The following CHMP4B variants were observed in gnomAD, a reference collection of about 807,000 sequenced individuals.
CHMP4B encodes SNF7 homolog associated with Alix 1.
In CHMP4B, 1 loss-of-function variant was observed where a neutral mutation model predicts 25.1. The ratio of observed to expected loss-of-function variants is 0.04; its 90% CI spans 0.01 to 0.19. The LOEUF (loss-of-function observed/expected upper bound fraction) is 0.19, where lower values mean the gene tolerates loss of function less well. Among genes scored for constraint, CHMP4B ranks in the 10% least tolerant of loss-of-function variants. The pLI is 1.00. For missense variants in CHMP4B, 151 were observed against 289.7 expected, an observed-to-expected ratio of 0.52 and a Z score of 3.48; for synonymous variants, 101 against 115.6, an observed-to-expected ratio of 0.87 and a Z score of 0.81.
Position 33,839,581 on chromosome 20 carries a change from G to T in CHMP4B, c.191-8886G>T, listed in dbSNP as rs551442202. On this transcript the variant is annotated intron_variant, in intron 1 of 4. Coordinates refer to ENST00000217402, the MANE Select transcript of CHMP4B (RefSeq NM_176812.5). ...TAGAGGTTTTTACTGCATACCATCT[G>T]GACTGTCGCTAGTGGACAGTTTGTG... is the stretch of plus-strand genomic sequence containing the variant. 2.6e-5 allele frequency among the ~76,000 whole-genome samples: 4 copies of T among 152,248 alleles called. No individual in the cohort carries two copies. The East Asian group carries it at 7.7e-4, about 29-fold the overall frequency.
At chr20:33,843,027 G>C (rs564389315) in intron 1 of CHMP4B, among the ~76,000 whole-genome samples, 6 of 152,174 alleles carry the variant, frequency 3.9e-5, no homozygotes, top group Non-Finnish European at 8.8e-5. Context: ...TAGTTGTATC[G>C]AACTGATGTG....
At chr20:33,837,767 T>C (rs1601324559) in intron 1 of CHMP4B, among the ~76,000 whole-genome samples, 1 of 152,198 alleles carries the variant, frequency 6.6e-6, no homozygotes, top group South Asian at 2.1e-4. Context: ...CTTATTTCAT[T>C]GGGCAGGAAA....
chr20:33,826,873 C>G (rs1191242698), intron 1 of CHMP4B, among the ~76,000 whole-genome samples: 1 of 152,186 alleles, frequency 6.6e-6, no homozygotes, highest in African/African-American at 2.4e-5. Flanking sequence ...TTGTGCATTT[C>G]ACTCCCAGCT....
In CHMP4B at chr20:33,848,569, A is replaced by G; in HGVS notation, c.293A>G (p.Asn98Ser). 1.2e-6 allele frequency: 2 copies of G among 1,614,222 alleles called. No individual in the cohort carries two copies. The highest frequency in any genetic ancestry group is 1.7e-6 in the Non-Finnish European group (2 of 1,180,028). The change falls in exon 2 of 5, where the codon AAT becomes AGT. Residue 98 changes from asparagine to serine, a missense_variant. Asn to Ser is a conservative substitution (Grantham distance 46, BLOSUM62 1). Transcript: ENST00000217402. Reference sequence around the variant, plus strand: ...GAGTTCCAGCGGGAGGCCCTGGAGAATGCCAACACCAACACCGAGGTGCTC... The same window carrying G: ...GAGTTCCAGCGGGAGGCCCTGGAGAGTGCCAACACCAACACCGAGGTGCTC... ...TIEFQREALE[N>S]ANTNTEVLKN...
chr20:33,853,513 G>A lies in CHMP4B; in HGVS notation c.628G>A (p.Glu210Lys). The change falls in exon 5 of 5, where the codon GAG becomes AAG. Residue 210 changes from glutamate to lysine, a missense_variant. Coordinates refer to ENST00000217402, the MANE Select transcript of CHMP4B (RefSeq NM_176812.5). ...PSKPAKKKEE[E>K]DDDMKELENW... ...TCACACAGCCAAGAAGAAAGAAGAG[G>A]AGGACGACGACATGAAGGAATTGGA... The A allele has an allele frequency of 6.2e-7, 1 of 1,613,938 alleles. No homozygotes were observed. The highest frequency in any genetic ancestry group is 1.1e-5 in the South Asian group (1 of 91,064).
At chr20:33,832,571 T>A (rs1270345534) in intron 1 of CHMP4B, among the ~76,000 whole-genome samples, 2 of 152,212 alleles carry the variant, frequency 1.3e-5, no homozygotes, top group Non-Finnish European at 2.9e-5. Flanking sequence ...TAGGTAGTCA[T>A]GTAAATGGTA....
chr20:33,839,033 C>G (rs984017868), intron 1 of CHMP4B, among the ~76,000 whole-genome samples: 3 of 152,150 alleles, frequency 2.0e-5, no homozygotes, highest in Non-Finnish European at 4.4e-5. Flanking sequence ...CAGGTATAGT[C>G]ACAGGGGAGG....
intron 2 of CHMP4B, among the ~76,000 whole-genome samples, chr20:33,849,680 G>C (rs1224607096): frequency 6.6e-6 from 1 of 152,204 alleles, no homozygotes; most frequent in Non-Finnish European, 1.5e-5. Flanking sequence ...GGGGGTGCTA[G>C]GTGCCTTTTT....
At chr20:33,835,336 C>T (rs1378198174) in intron 1 of CHMP4B, among the ~76,000 whole-genome samples, 2 of 152,012 alleles carry the variant, frequency 1.3e-5, no homozygotes, top group South Asian at 2.1e-4. Flanking sequence ...TCTTAAGCTC[C>T]AGGGTCATTG....
intron 1 of CHMP4B, among the ~76,000 whole-genome samples, chr20:33,847,010 T>G (rs978157393): frequency 5.3e-5 from 8 of 152,130 alleles, no homozygotes; most frequent in Admixed American, 1.3e-4. Context: ...TTTAGTTACA[T>G]ATGTACATGT....
intron 1 of CHMP4B, among the ~76,000 whole-genome samples, chr20:33,838,897 T>C (rs1979459886): frequency 6.6e-6 from 1 of 152,132 alleles, no homozygotes; most frequent in African/African-American, 2.4e-5. Context: ...AGATAGGCCT[T>C]GCAGGGTTCC....
At chr20:33,837,342 C>T (rs1268240240) in intron 1 of CHMP4B, among the ~76,000 whole-genome samples, 1 of 151,850 alleles carries the variant, frequency 6.6e-6, no homozygotes, top group Admixed American at 6.6e-5. Context: ...TAGAGCAAGA[C>T]CCTGTCTTAC....
rs1489826500 is a variant in CHMP4B, at chr20:33,811,672, G to A, written c.190+14G>A. The A allele has an allele frequency of 6.2e-7, 1 of 1,611,208 alleles. No homozygotes were observed. Among genetic ancestry groups the A allele is most frequent in the Admixed American group, 1.7e-5 (1 of 59,606 alleles). On this transcript the variant is annotated intron_variant, in intron 1 of 4. Coordinates refer to ENST00000217402, the MANE Select transcript of CHMP4B (RefSeq NM_176812.5). ...AAAACAAGCGCGGTGAGGCTGCCCG[G>A]CCCCTTCAGACTTGCCACGGGCTCC...
At chr20:33,823,002 A>G (rs956844115) in intron 1 of CHMP4B, among the ~76,000 whole-genome samples, 4 of 151,684 alleles carry the variant, frequency 2.6e-5, no homozygotes, top group African/African-American at 7.3e-5. Context: ...GTTAGCCAGG[A>G]TGGTCTCAAT....
At chr20:33,845,718 A>G (rs766651998) in intron 1 of CHMP4B, among the ~76,000 whole-genome samples, 11 of 152,184 alleles carry the variant, frequency 7.2e-5, no homozygotes, top group Admixed American at 1.3e-4. Flanking sequence ...GGACATTGGC[A>G]CTTGATCTCG....
intron 1 of CHMP4B, among the ~76,000 whole-genome samples, chr20:33,829,465 C>G (rs760019122): frequency 6.6e-6 from 1 of 152,168 alleles, no homozygotes; most frequent in African/African-American, 2.4e-5. Flanking sequence ...CCCCTAGGCT[C>G]TAAGGAACTG....
At chr20:33,826,827 C>T (rs1979107913) in intron 1 of CHMP4B, among the ~76,000 whole-genome samples, 1 of 152,152 alleles carries the variant, frequency 6.6e-6, no homozygotes, top group Non-Finnish European at 1.5e-5. Context: ...AGTAGCTTGA[C>T]CCAGCCTCAT....
intron 1 of CHMP4B, among the ~76,000 whole-genome samples, chr20:33,842,893 A>T (rs952684001): frequency 6.6e-6 from 1 of 152,130 alleles, no homozygotes; most frequent in Non-Finnish European, 1.5e-5. Flanking sequence ...CTTGGCATCT[A>T]TTGAGGTGCC....
intron 1 of CHMP4B, among the ~76,000 whole-genome samples, chr20:33,822,752 C>G (rs1776572744): frequency 6.6e-6 from 1 of 152,144 alleles, no homozygotes; most frequent in Non-Finnish European, 1.5e-5. Context: ...AAGGACACAG[C>G]AATATAGGCC....
Sources: allele counts gnomAD v4.1 joint callset (sites outside exome capture counted in the v4.1 genomes callset), GRCh38; gene constraint gnomAD v4.1.1; transcripts MANE v1.5; gene names NCBI Gene and HGNC (gene_info 2026-07-23, HGNC 2026-07-21).